The following ATF2 variants were observed in gnomAD, a reference collection of about 807,000 sequenced individuals.
The protein encoded by ATF2 is cyclic AMP-dependent transcription factor ATF-2.
In ATF2, 24 loss-of-function variants were observed where a neutral mutation model predicts 60.6. The observed-to-expected ratio is 0.40, with a 90% CI of 0.29 to 0.56. ATF2 has a LOEUF of 0.56. ATF2 is among the 20% of genes least tolerant of loss of function. ATF2 has a pLI of 0.54. For synonymous variants in ATF2, 206 were observed against 215.4 expected, an observed-to-expected ratio of 0.96 and a Z score of 0.38; for missense variants, 433 against 607.7, an observed-to-expected ratio of 0.71 and a Z score of 3.02.
intron 12 of ATF2, among the ~76,000 whole-genome samples, chr2:175,087,973 G>C (rs1380527792): frequency 2.0e-5 from 3 of 152,096 alleles, no homozygotes; most frequent in Admixed American, 6.5e-5. Flanking sequence ...CTTTTTCGCT[G>C]TTATCCACAT....
intron 10 of ATF2, among the ~76,000 whole-genome samples, chr2:175,107,583 CCCTCTCTTTCCACGGTCTCCCTCTG>C (rs1695765880): frequency 6.6e-6 from 1 of 152,096 alleles, no homozygotes; most frequent in Admixed American, 6.5e-5. Context: ...GTCTCCCTCT[CCCTCTCTTTCCACGGTCTCCCTCTG>C]ATGCCGAGCC....
chr2:175,142,689 G>A (rs1574471037), intron 2 of ATF2, among the ~76,000 whole-genome samples: 1 of 67,030 alleles, frequency 1.5e-5, no homozygotes, highest in African/African-American at 7.8e-5. Context: ...TGCCGAAAGA[G>A]AGAGAGAGAG....
At chr2:175,099,520 C>T (rs1305256903) in intron 10 of ATF2, among the ~76,000 whole-genome samples, 2 of 152,158 alleles carry the variant, frequency 1.3e-5, no homozygotes, top group African/African-American at 4.8e-5. Flanking sequence ...CCTTCTACTC[C>T]CTGGCCCTGG....
chr2:175,103,840 C>T (rs1695466678), intron 10 of ATF2, among the ~76,000 whole-genome samples: 1 of 152,036 alleles, frequency 6.6e-6, no homozygotes, highest in Non-Finnish European at 1.5e-5. Flanking sequence ...GATTTACGGG[C>T]TTAACGACAA....
chr2:175,144,007 T>A (rs1398797254), intron 2 of ATF2, among the ~76,000 whole-genome samples: 6 of 152,162 alleles, frequency 3.9e-5, no homozygotes, highest in Non-Finnish European at 7.3e-5. Context: ...TTTCCCAGGC[T>A]GATCTTGAAC....
intron 3 of ATF2, 52 bp from the exon 4 acceptor site, chr2:175,130,259 A>T: frequency 3.5e-6 from 4 of 1,152,826 alleles, no homozygotes; most frequent in African/African-American, 1.6e-5. Context: ...ATAAAGAATA[A>T]TTTAAAATAT....
intron 13 of ATF2, chr2:175,075,037 G>T: frequency 6.9e-7 from 1 of 1,439,392 alleles, no homozygotes; most frequent in Non-Finnish European, 9.1e-7. Context: ...CATGCATATG[G>T]AAACATCTGG....
intron 10 of ATF2, among the ~76,000 whole-genome samples, chr2:175,107,012 C>T (rs957729292): frequency 1.3e-5 from 2 of 151,926 alleles, no homozygotes; most frequent in African/African-American, 4.8e-5. Flanking sequence ...GTAGTCCCAG[C>T]TACTTGAGGG....
At chr2:175,078,108 T>C (rs558995335) in intron 13 of ATF2, among the ~76,000 whole-genome samples, 62 of 152,266 alleles carry the variant, frequency 4.1e-4, no homozygotes, top group African/African-American at 1.3e-3. Flanking sequence ...GCTGGGACTA[T>C]AGGTGTGTGC....
intron 4 of ATF2, among the ~76,000 whole-genome samples, chr2:175,129,604 A>G (rs1440376290): frequency 1.3e-5 from 2 of 152,062 alleles, no homozygotes; most frequent in African/African-American, 4.8e-5. Context: ...TTATTTTAAG[A>G]TAAGTATAAT....
At chr2:175,136,069 A>G (rs1421771023) in intron 3 of ATF2, among the ~76,000 whole-genome samples, 1 of 146,148 alleles carries the variant, frequency 6.8e-6, no homozygotes, top group Non-Finnish European at 1.5e-5. Context: ...ATGCTAATGT[A>G]AAATGACTAG....
chr2:175,120,686 G>C (rs1334487607), intron 5 of ATF2, among the ~76,000 whole-genome samples: 2 of 151,406 alleles, frequency 1.3e-5, no homozygotes, highest in African/African-American at 4.8e-5. Flanking sequence ...TGACACAAAG[G>C]ATCTGAAATT....
chr2:175,167,807 C>G (rs1048359742), intron 1 of ATF2: 8 of 441,336 alleles, frequency 1.8e-5, no homozygotes, highest in African/African-American at 1.6e-4. Flanking sequence ...GCCGGAACAA[C>G]GAACGCTGGT....
chr2:175,093,404 T>C, intron 11 of ATF2, 137 bp from the exon 12 acceptor site: 2 of 823,962 alleles, frequency 2.4e-6, no homozygotes, highest in East Asian at 2.7e-5. Context: ...TGGGGCAATA[T>C]GAAAATCACC....
chr2:175,156,017 C>A (rs1244540654), intron 1 of ATF2, among the ~76,000 whole-genome samples: 2 of 152,080 alleles, frequency 1.3e-5, no homozygotes, highest in African/African-American at 4.8e-5. Flanking sequence ...ACCCTAATCC[C>A]TGGAACCTGT....
At position 175,131,519 on chromosome 2, in the gene ATF2, G is replaced by T. The variant is rs187800052; in HGVS notation, c.33-1312C>A. Among the ~76,000 whole-genome samples, 772 of 152,160 alleles carry T rather than the reference G, an allele frequency of 5.1e-3. 4 individuals carry two copies. Among genetic ancestry groups the T allele is most frequent in the African/African-American group, 0.017 (725 of 41,510 alleles). On this transcript the variant is annotated intron_variant, in intron 3 of 13. Transcript: ENST00000264110. ...GAGACAAGCCATTTTCTTGTACCCT[G>T]TACAAATTTTTGACCTACACAATCT...
intron 3 of ATF2, among the ~76,000 whole-genome samples, chr2:175,132,072 C>A (rs544293715): frequency 6.6e-6 from 1 of 152,272 alleles, no homozygotes; most frequent in East Asian, 1.9e-4. Flanking sequence ...TGGTATTCAA[C>A]CTGTTGTGAT....
At chr2:175,075,116 G>A in intron 13 of ATF2, 1 of 1,192,552 alleles carries the variant, frequency 8.4e-7, no homozygotes, top group Non-Finnish European at 1.1e-6. Flanking sequence ...AGAAAATGAG[G>A]GAGAGTTTGG....
At chr2:175,153,625 C>T (rs938237186) in intron 1 of ATF2, among the ~76,000 whole-genome samples, 6 of 151,944 alleles carry the variant, frequency 3.9e-5, no homozygotes, top group South Asian at 2.1e-4. Context: ...GTCAGGAGTT[C>T]GAGACCAGCC....
Sources: allele counts gnomAD v4.1 joint callset (sites outside exome capture counted in the v4.1 genomes callset), GRCh38; gene constraint gnomAD v4.1.1; transcripts MANE v1.5; gene names NCBI Gene and HGNC (gene_info 2026-07-23, HGNC 2026-07-21).